Variants in MPPED2 observed in about 807,000 individuals in gnomAD.
MPPED2 encodes the protein metallophosphoesterase MPPED2.
A neutral mutation model predicts 33.0 loss-of-function variants in MPPED2; 5 were observed. The observed-to-expected ratio is 0.15, with a 90% CI of 0.08 to 0.32. The LOEUF (loss-of-function observed/expected upper bound fraction) is 0.32. Among genes scored for constraint, MPPED2 ranks in the 10% least tolerant of loss-of-function variants. MPPED2 has a pLI of 1.00. For missense variants in MPPED2, 275 were observed against 372.1 expected, an observed-to-expected ratio of 0.74 and a Z score of 2.15; for synonymous variants, 136 against 141.9, an observed-to-expected ratio of 0.96 and a Z score of 0.29.
intron 3 of MPPED2, chr11:30,504,640 T>C (rs1952733662): frequency 3.8e-6 from 2 of 532,262 alleles, no homozygotes; most frequent in Non-Finnish European, 6.2e-6. Flanking sequence ...ACCAGAAACA[T>C]TCAGTCAGGG....
chr11:30,412,743 A>G (rs1410443242), intron 6 of MPPED2, among the ~76,000 whole-genome samples: 1 of 152,158 alleles, frequency 6.6e-6, no homozygotes, highest in East Asian at 1.9e-4. Context: ...AAAGTGAGAC[A>G]AGTTTATATG....
intron 2 of MPPED2, among the ~76,000 whole-genome samples, chr11:30,553,507 C>T (rs1955820101): frequency 6.6e-6 from 1 of 152,150 alleles, no homozygotes; most frequent in African/African-American, 2.4e-5. Flanking sequence ...AAACAAACAA[C>T]AAACACGAAT....
chr11:30,511,611 C>T (rs988387747), intron 3 of MPPED2, among the ~76,000 whole-genome samples: 3 of 152,262 alleles, frequency 2.0e-5, no homozygotes, highest in African/African-American at 7.2e-5. Flanking sequence ...TGCATGCATG[C>T]ACACCACATG....
intron 2 of MPPED2, among the ~76,000 whole-genome samples, chr11:30,537,341 T>G (rs982225407): frequency 6.6e-6 from 1 of 152,074 alleles, no homozygotes; most frequent in Non-Finnish European, 1.5e-5. Flanking sequence ...GAGATTAGAG[T>G]GTGAAACATT....
At chr11:30,425,694 G>T (rs2133814982) in intron 4 of MPPED2, 1 of 152,256 alleles carries the variant, frequency 6.6e-6, no homozygotes, top group South Asian at 2.1e-4. Flanking sequence ...CAAAGGACAA[G>T]GTACCAGGGT....
chr11:30,441,177 CT>C (rs1263197676), intron 4 of MPPED2: 2 of 152,160 alleles, frequency 1.3e-5, no homozygotes, highest in Non-Finnish European at 2.9e-5. Context: ...ATAACTCCCC[CT>C]ACACAGACGG....
chr11:30,404,955 G>A (rs770248911), intron 6 of MPPED2, among the ~76,000 whole-genome samples: 2 of 152,134 alleles, frequency 1.3e-5, no homozygotes, highest in African/African-American at 2.4e-5. Context: ...AGAAGGCATG[G>A]TCTCTGACCT....
chr11:30,405,052 G>T (rs905230604), intron 6 of MPPED2, among the ~76,000 whole-genome samples: 1 of 152,152 alleles, frequency 6.6e-6, no homozygotes, highest in African/African-American at 2.4e-5. Context: ...CCAAAGGGGG[G>T]TGTTCTGGGT....
intron 4 of MPPED2, among the ~76,000 whole-genome samples, chr11:30,449,725 T>C (rs551719220): frequency 6.6e-6 from 1 of 152,284 alleles, no homozygotes; most frequent in East Asian, 1.9e-4. Flanking sequence ...AAACTTCCAT[T>C]TGTGATGGTG....
intron 2 of MPPED2, among the ~76,000 whole-genome samples, chr11:30,559,878 C>A (rs1454393566): frequency 6.6e-6 from 1 of 151,994 alleles, no homozygotes; most frequent in Non-Finnish European, 1.5e-5. Context: ...ATAGTCTTCA[C>A]ATTATGCCCT....
At chr11:30,435,946 C>A (rs1949305183) in intron 4 of MPPED2, among the ~76,000 whole-genome samples, 1 of 151,930 alleles carries the variant, frequency 6.6e-6, no homozygotes, top group Non-Finnish European at 1.5e-5. Flanking sequence ...GATCAGGAAC[C>A]AAGAGACCTG....
At chr11:30,461,242 G>T (rs1419496574) in intron 4 of MPPED2, among the ~76,000 whole-genome samples, 3 of 152,186 alleles carry the variant, frequency 2.0e-5, no homozygotes, top group Non-Finnish European at 2.9e-5. Flanking sequence ...TCATTTAATG[G>T]ATACCGAGTT....
chr11:30,570,648 T>C (rs1956648559), intron 2 of MPPED2, among the ~76,000 whole-genome samples: 2 of 152,186 alleles, frequency 1.3e-5, no homozygotes, highest in Admixed American at 6.5e-5. Flanking sequence ...GCCTATGTCA[T>C]AGAAGAAGGC....
At chr11:30,483,303 G>A (rs1324826794) in intron 4 of MPPED2, among the ~76,000 whole-genome samples, 1 of 152,202 alleles carries the variant, frequency 6.6e-6, no homozygotes, top group African/African-American at 2.4e-5. Flanking sequence ...AAAACAGGAA[G>A]CATTAAGTAA....
chr11:30,444,719 G>A (rs908192896), intron 4 of MPPED2, among the ~76,000 whole-genome samples: 13 of 151,918 alleles, frequency 8.6e-5, no homozygotes, highest in African/African-American at 3.1e-4. Context: ...GGCTGTGTTG[G>A]TTTCTGAGAA....
chr11:30,484,571 AT>A (rs1300200343), intron 4 of MPPED2, among the ~76,000 whole-genome samples: 1 of 152,100 alleles, frequency 6.6e-6, no homozygotes, highest in Non-Finnish European at 1.5e-5. Flanking sequence ...TCCACATTTA[AT>A]TTATAGTCAC....
At chr11:30,459,940 A>G (rs1003575006) in intron 4 of MPPED2, among the ~76,000 whole-genome samples, 2 of 152,242 alleles carry the variant, frequency 1.3e-5, no homozygotes, top group African/African-American at 4.8e-5. Flanking sequence ...GGCAAACAGC[A>G]GCAAGGAGGC....
chr11:30,534,364 T>A (rs1027763985), intron 3 of MPPED2, among the ~76,000 whole-genome samples: 2 of 152,142 alleles, frequency 1.3e-5, no homozygotes, highest in Non-Finnish European at 2.9e-5. Flanking sequence ...AATAAAGAGA[T>A]TATTGTAGAG....
At chr11:30,580,860 T>G (rs928393588) in intron 1 of MPPED2, among the ~76,000 whole-genome samples, 2 of 152,234 alleles carry the variant, frequency 1.3e-5, no homozygotes, top group African/African-American at 4.8e-5. Context: ...CCCTGCTAAT[T>G]GGAATGTTTG....
Sources: gnomAD v4.1 joint callset for allele counts (sites outside exome capture counted in the v4.1 genomes callset) on GRCh38, gnomAD v4.1.1 for gene constraint, MANE v1.5 for transcripts, NCBI Gene and HGNC (gene_info 2026-07-23, HGNC 2026-07-21) for gene names.